Variants in NCOA7 observed in about 807,000 individuals in gnomAD.
NCOA7 encodes nuclear receptor coactivator 7, also known as 140 kDa estrogen receptor-associated protein.
In NCOA7, 45 loss-of-function variants were observed where a neutral mutation model predicts 104.3. The observed-to-expected ratio is 0.43, with a 90% CI of 0.34 to 0.55. The LOEUF is 0.55. Among genes scored for constraint, NCOA7 ranks in the 20% least tolerant of loss-of-function variants. The probability of loss-of-function intolerance (pLI) is 0.02; values close to 1 mark genes in which losing one functional copy is unlikely to be tolerated. For synonymous variants in NCOA7, 398 were observed against 402.3 expected, an observed-to-expected ratio of 0.99 and a Z score of 0.13; for missense variants, 1,041 against 1,119.7, an observed-to-expected ratio of 0.93 and a Z score of 1.00.
At chr6:125,859,347 G>GA in intron 3 of NCOA7, among the ~76,000 whole-genome samples, 1 of 152,302 alleles carries the variant, frequency 6.6e-6, no homozygotes, top group East Asian at 1.9e-4. Flanking sequence ...GATTTGTCTA[G>GA]AGGGGCCTAG....
intron 10 of NCOA7, among the ~76,000 whole-genome samples, chr6:125,909,937 A>G (rs140504552): frequency 3.9e-5 from 6 of 152,266 alleles, no homozygotes; most frequent in East Asian, 1.9e-4. Flanking sequence ...AAGATTGGGT[A>G]TTTTATTAAA....
At chr6:125,783,917 T>A (rs1258055624) in intron 1 of NCOA7, among the ~76,000 whole-genome samples, 1 of 152,218 alleles carries the variant, frequency 6.6e-6, no homozygotes, top group African/African-American at 2.4e-5. Flanking sequence ...GGGTAGGTAT[T>A]CCACTGTATA....
At position 125,810,435 on chromosome 6, in the gene NCOA7, AT is replaced by A. The variant is rs529554412; in HGVS notation, c.-64-4855del. On this transcript the variant is annotated intron_variant, in intron 1 of 15. Transcript: ENST00000392477. ...TCCTGATTTAAGATTGCAAAAAAAA[AT>A]ATTTAGATGGAAGATTCATCTTGTG... 82 of 152,338 alleles carry A rather than the reference AT, an allele frequency of 5.4e-4. 1 individual carries two copies. The highest frequency in any genetic ancestry group is 1.1e-3 in the Non-Finnish European group (74 of 68,026). 9.4% of individuals were successfully genotyped at this position (152,338 alleles called of 1,614,324 possible). A position where few individuals can be genotyped will look rare whatever the true frequency, so the allele number is the denominator to read the frequency against.
At chr6:125,830,563 G>A (rs1333551192) in intron 2 of NCOA7, among the ~76,000 whole-genome samples, 1 of 152,084 alleles carries the variant, frequency 6.6e-6, no homozygotes, top group Non-Finnish European at 1.5e-5. Context: ...GGTGGTGAGT[G>A]CCTGTAGTCC....
chr6:125,874,292 T>C (rs1783182400), intron 3 of NCOA7, among the ~76,000 whole-genome samples: 1 of 152,188 alleles, frequency 6.6e-6, no homozygotes, highest in Non-Finnish European at 1.5e-5. Flanking sequence ...GCCGCTGCAC[T>C]CCAGCCTGGG....
At chr6:125,850,744 G>T (rs376947807) in intron 2 of NCOA7, among the ~76,000 whole-genome samples, 21 of 152,258 alleles carry the variant, frequency 1.4e-4, no homozygotes, top group African/African-American at 5.1e-4. Context: ...CCTTCGGAAG[G>T]GGGCAACAAA....
At chr6:125,858,596 A>G (rs986504495) in intron 3 of NCOA7, among the ~76,000 whole-genome samples, 1 of 151,980 alleles carries the variant, frequency 6.6e-6, no homozygotes. Flanking sequence ...ACTGCACTCC[A>G]GACTGAGTGA....
chr6:125,792,172 A>G (rs919188130), intron 1 of NCOA7, among the ~76,000 whole-genome samples: 5 of 152,254 alleles, frequency 3.3e-5, no homozygotes, highest in African/African-American at 1.2e-4. Flanking sequence ...TCTAAAAACC[A>G]CAATTTAGAA....
chr6:125,870,823 G>A (rs1372114755), intron 3 of NCOA7, among the ~76,000 whole-genome samples: 1 of 152,142 alleles, frequency 6.6e-6, no homozygotes, highest in East Asian at 1.9e-4. Context: ...GGAGGTGGCA[G>A]GACTTATGGA....
chr6:125,912,327 G>A (rs139048784), intron 10 of NCOA7, among the ~76,000 whole-genome samples: 47 of 152,122 alleles, frequency 3.1e-4, no homozygotes, highest in African/African-American at 1.1e-3. Flanking sequence ...ATGATTGATA[G>A]GTGTTCCCTC....
At chr6:125,885,830 C>T (rs1482253736) in intron 8 of NCOA7, among the ~76,000 whole-genome samples, 1 of 152,166 alleles carries the variant, frequency 6.6e-6, no homozygotes, top group Non-Finnish European at 1.5e-5. Flanking sequence ...TGGTAGCCAC[C>T]TTCTCATGCT....
At chr6:125,844,510 G>A (rs1780430669) in intron 2 of NCOA7, among the ~76,000 whole-genome samples, 1 of 152,144 alleles carries the variant, frequency 6.6e-6, no homozygotes, top group Admixed American at 6.5e-5. Context: ...TTCTTCAAGT[G>A]AGTTGTTGTT....
chr6:125,888,987 A>C lies in NCOA7; in HGVS notation c.933A>C (p.Glu311Asp). The C allele has an allele frequency of 6.2e-7, 1 of 1,614,034 alleles. No individual in the cohort carries two copies. The highest frequency in any genetic ancestry group is 8.5e-7 in the Non-Finnish European group (1 of 1,179,930). The change falls in exon 9 of 16, where the codon GAA (glutamate) becomes GAC (aspartate). Residue 311 changes from glutamate to aspartate, a missense_variant. Glu to Asp is a conservative substitution (Grantham distance 45). This residue lies in a region of NCOA7 where 914 missense variants were observed against 942.7 expected (regional missense o/e 0.97). Coordinates refer to ENST00000392477, the MANE Select transcript of NCOA7 (RefSeq NM_181782.5). ...CTCTGTACAGGCCTGGAGAATGGGA[A>C]GACCTGGCTTCAGAAAAGGATATCA... The part of the protein sequence containing the change: ...LCPLYRPGEW[E>D]DLASEKDINP...
At chr6:125,815,461 C>A in intron 2 of NCOA7, 57 bp downstream of exon 2, 1 of 1,411,700 alleles carries the variant, frequency 7.1e-7, no homozygotes, top group Non-Finnish European at 9.9e-7. Context: ...TTTGAGGGGA[C>A]TTTGTCCTCA....
chr6:125,885,376 G>T (rs777691978), intron 8 of NCOA7, 33 bp downstream of exon 8: 2 of 1,605,958 alleles, frequency 1.2e-6, no homozygotes, highest in Non-Finnish European at 1.7e-6. Flanking sequence ...AGGAAAAAAG[G>T]GGTGTTGAGA....
upstream of NCOA7, among the ~76,000 whole-genome samples, chr6:125,787,542 T>G (rs1731178376): frequency 6.6e-6 from 1 of 152,206 alleles, no homozygotes; most frequent in African/African-American, 2.4e-5. Flanking sequence ...GGATCTCTGC[T>G]TCTCTTATCT....
chr6:125,891,462 C>T (rs962723826), intron 10 of NCOA7, among the ~76,000 whole-genome samples: 2 of 152,064 alleles, frequency 1.3e-5, no homozygotes, highest in African/African-American at 2.4e-5. Flanking sequence ...TTTTAGAAAA[C>T]AATTAATTGC....
At chr6:125,886,477 A>T (rs903421822) in intron 8 of NCOA7, among the ~76,000 whole-genome samples, 1 of 152,246 alleles carries the variant, frequency 6.6e-6, no homozygotes, top group Non-Finnish European at 1.5e-5. Flanking sequence ...ATCTTTATAT[A>T]AAAACTTCTC....
chr6:125,873,345 G>T lies in NCOA7; in HGVS notation c.272-1544G>T, dbSNP rs982872155. On this transcript the variant is annotated intron_variant, in intron 3 of 15. Transcript: ENST00000392477. ...TATTCTATTGTGTTCAATGTATATA[G>T]GTTTTTATTTTTATGTACCTATGAA... Among the ~76,000 whole-genome samples the T allele has an allele frequency of 2.0e-5, 3 of 152,112 alleles. No individual in the cohort carries two copies. The East Asian group carries it at 5.8e-4, about 29-fold the overall frequency.
Sources: gnomAD v4.1 joint callset for allele counts (sites outside exome capture counted in the v4.1 genomes callset) on GRCh38, gnomAD v4.1.1 for gene constraint, gnomAD v4.1.1 regional missense constraint, MANE v1.5 for transcripts, NCBI Gene and HGNC (gene_info 2026-07-23, HGNC 2026-07-21) for gene names.